Variants in NR2C1 observed in about 807,000 individuals in gnomAD.
NR2C1 encodes the protein nuclear receptor subfamily 2 group C member 1.
A neutral mutation model predicts 74.8 loss-of-function variants in NR2C1; 33 were observed. The observed-to-expected ratio is 0.44, with a 90% confidence interval of 0.33 to 0.59. The LOEUF (loss-of-function observed/expected upper bound fraction) is 0.59, where lower values mean the gene tolerates loss of function less well. Among genes scored for constraint, NR2C1 ranks in the 20% least tolerant of loss-of-function variants. The pLI, the probability that NR2C1 is intolerant of heterozygous loss-of-function variation, is 0.02. For synonymous variants in NR2C1, 225 were observed against 240.6 expected (o/e 0.94, Z 0.60); for missense variants, 568 against 715.6 (o/e 0.79, Z 2.35).
At position 95,051,827 on chromosome 12, in the gene NR2C1, G is replaced by A; in HGVS notation, c.900C>T (p.Ser300=). 1 of 1,610,754 alleles carries A rather than the reference G, an allele frequency of 6.2e-7. No individual in the cohort carries two copies. The highest frequency in any genetic ancestry group is 8.5e-7 in the Non-Finnish European group (1 of 1,179,300). Residue 300 remains serine (S), a synonymous_variant, in exon 8 of 14, where the codon AGC becomes AGT. Transcript: ENST00000333003. ...QNSNEMSMIE[S]LSNDDTSLCE... Reference sequence around the variant, plus strand: ...ACAAAGAGGTATCATCATTGCTTAAGCTTTCAATCATAGACATTTCATTAC... The same window carrying A: ...ACAAAGAGGTATCATCATTGCTTAAACTTTCAATCATAGACATTTCATTAC...
At chr12:95,062,480 AGG>A (rs1241486770) in intron 3 of NR2C1, 26 bp downstream of exon 3, 1 of 1,481,616 alleles carries the variant, frequency 6.7e-7, no homozygotes, top group South Asian at 1.2e-5. Context: ...TATATGTAAG[AGG>A]AAAAGACACT....
chr12:95,068,735 G>A (rs571896873), intron 1 of NR2C1, among the ~76,000 whole-genome samples: 1 of 151,908 alleles, frequency 6.6e-6, no homozygotes, highest in South Asian at 2.1e-4. Context: ...CGGAGGTTGC[G>A]GTGAGCCGAG....
At chr12:95,072,997 G>C (rs907592684) in intron 1 of NR2C1, 2 of 152,270 alleles carry the variant, frequency 1.3e-5, no homozygotes, top group Admixed American at 6.5e-5. Flanking sequence ...TGGAAGCCCC[G>C]GCGCTGCGCG....
rs776051624 is a variant in NR2C1 at position 95,063,253 on chromosome 12, C to A, written c.55-515G>T. On this transcript the variant is annotated intron_variant, in intron 2 of 13. Transcript: ENST00000333003. Reference sequence around the variant, plus strand: ...GCAAAGGCCTGAGTGAAGAAACAGACCAAGGCTTAGGACTACCTAGGGGAA... The same window carrying A: ...GCAAAGGCCTGAGTGAAGAAACAGAACAAGGCTTAGGACTACCTAGGGGAA... Among the ~76,000 whole-genome samples the A allele has an allele frequency of 2.4e-4, 36 of 152,120 alleles. 1 individual carries two copies. The highest frequency in any genetic ancestry group is 4.1e-4 in the Non-Finnish European group (28 of 68,028).
chr12:95,066,749 G>A (rs1312601960), intron 2 of NR2C1, among the ~76,000 whole-genome samples: 1 of 152,114 alleles, frequency 6.6e-6, no homozygotes, highest in African/African-American at 2.4e-5. Flanking sequence ...TCATCATATA[G>A]TATCATCACA....
In NR2C1 at chr12:95,049,310, T is replaced by G. The variant is rs1178967474; in HGVS notation, c.966-77A>C. 4 of 1,446,782 alleles carry G rather than the reference T, an allele frequency of 2.8e-6. No homozygotes were observed. In the African/African-American group the frequency reaches 5.7e-5, roughly 20 times the overall value. 89.6% of individuals were successfully genotyped at this position (1,446,782 alleles called of 1,614,324 possible). ...AACAATTCTACATAGGATTCTGGAA[T>G]TAAGATTTAAGCCTAAAAAACTGGC... On this transcript the variant is annotated intron_variant, in intron 8 of 13. Coordinates refer to ENST00000333003, the MANE Select transcript of NR2C1 (RefSeq NM_003297.4).
intron 3 of NR2C1, among the ~76,000 whole-genome samples, chr12:95,060,295 T>C (rs1251283290): frequency 6.6e-6 from 1 of 152,174 alleles, no homozygotes. Flanking sequence ...AGGTATGGAC[T>C]TAAAAAGCTC....
At chr12:95,042,401 C>G (rs927639907) in intron 9 of NR2C1, among the ~76,000 whole-genome samples, 3 of 151,800 alleles carry the variant, frequency 2.0e-5, no homozygotes, top group African/African-American at 7.2e-5. Flanking sequence ...TTAGTAGAGA[C>G]GGGGTTGTAC....
intron 4 of NR2C1, 132 bp downstream of exon 4, chr12:95,059,774 C>T (rs916304957): frequency 7.9e-6 from 5 of 632,024 alleles, no homozygotes; most frequent in Non-Finnish European, 1.0e-5. Context: ...ACCATAAAAA[C>T]GACATACTCC....
chr12:95,066,590 T>C (rs535247466), intron 2 of NR2C1, among the ~76,000 whole-genome samples: 3 of 152,324 alleles, frequency 2.0e-5, no homozygotes, highest in East Asian at 1.9e-4. Flanking sequence ...AGCAGCAATG[T>C]AGAGTCATAA....
chr12:95,020,563 A>G lies in NR2C1; in HGVS notation c.*1666T>C, dbSNP rs1212970148. 1.3e-5 allele frequency: 2 copies of G among 152,204 alleles called. No individual in the cohort carries two copies. Among genetic ancestry groups the G allele is most frequent in the Non-Finnish European group, 2.9e-5 (2 of 68,028 alleles). The allele number at this position is 152,204 out of a possible 1,614,324, so 9.4% of individuals were successfully genotyped here. A position where few individuals can be genotyped will look rare whatever the true frequency, so the allele number is the denominator to read the frequency against. ...AAAAAGTTTCCCTTAGTAAACTGGT[A>G]AAGACTGTAAGTTGATATTTTCAAA... On this transcript the variant is annotated 3_prime_UTR_variant, in exon 14 of 14. Transcript: ENST00000333003.
chr12:95,053,968 C>G (rs1873460259), intron 7 of NR2C1, among the ~76,000 whole-genome samples: 1 of 152,130 alleles, frequency 6.6e-6, no homozygotes, highest in African/African-American at 2.4e-5. Context: ...CAGGCGTGAG[C>G]CACTGTGCCT....
Position 95,059,905 on chromosome 12 carries a change from C to A in NR2C1, c.364+1G>T. ...TTTTAGGAGGTTATTCTTAATGTTA[C>A]CTGATGCTTTGTCTCCACATACTAC... On this transcript the variant is annotated splice_donor_variant, in intron 4 of 13. Transcript: ENST00000333003. LOFTEE classifies it high-confidence loss of function. 6.4e-7 allele frequency: 1 copy of A among 1,570,262 alleles called. No homozygotes were observed. The highest frequency in any genetic ancestry group is 1.2e-5 in the South Asian group (1 of 84,190).
intron 11 of NR2C1, 33 bp downstream of exon 11, chr12:95,031,316 C>T (rs577155441): frequency 1.3e-6 from 2 of 1,501,262 alleles, no homozygotes; most frequent in East Asian, 2.5e-5. Context: ...CCTCCTCCTA[C>T]AACCTGGAAA....
chr12:95,038,514 T>C (rs1871137441), intron 10 of NR2C1, among the ~76,000 whole-genome samples: 1 of 152,226 alleles, frequency 6.6e-6, no homozygotes, highest in Non-Finnish European at 1.5e-5. Flanking sequence ...CACCAGCACT[T>C]TGGGAGGCTG....
intron 12 of NR2C1, 97 bp from the exon 13 acceptor site, chr12:95,025,352 G>A: frequency 1.5e-6 from 1 of 648,750 alleles, no homozygotes; most frequent in Non-Finnish European, 2.6e-6. Flanking sequence ...CAAAATAGAA[G>A]CCCCATCATA....
At chr12:95,024,793 T>G (rs1377340489) in intron 13 of NR2C1, among the ~76,000 whole-genome samples, 1 of 152,124 alleles carries the variant, frequency 6.6e-6, no homozygotes, top group Non-Finnish European at 1.5e-5. Context: ...GCTGGTCTCT[T>G]GATTATTTTT....
chr12:95,032,978 G>A (rs1264229185), intron 10 of NR2C1, among the ~76,000 whole-genome samples: 1 of 151,622 alleles, frequency 6.6e-6, no homozygotes, highest in Non-Finnish European at 1.5e-5. Flanking sequence ...AAAAAAAAGA[G>A]AGAGAATTAA....
chr12:95,064,955 GT>G (rs1177800865), intron 2 of NR2C1, among the ~76,000 whole-genome samples: 1 of 152,174 alleles, frequency 6.6e-6, no homozygotes, highest in Admixed American at 6.5e-5. Context: ...AAGACTAATA[GT>G]TCATACTGAC....
Sources: allele counts gnomAD v4.1 joint callset (sites outside exome capture counted in the v4.1 genomes callset), GRCh38; gene constraint gnomAD v4.1.1; transcripts MANE v1.5; gene names NCBI Gene and HGNC (gene_info 2026-07-23, HGNC 2026-07-21).